The following LURAP1 variants were observed in gnomAD, a reference collection of about 807,000 sequenced individuals.
LURAP1 encodes the protein leucine rich adaptor protein 1, also known as NF-kappa-B activator C1orf190.
In LURAP1, 14 loss-of-function variants were observed where a neutral mutation model predicts 19.0. The observed-to-expected ratio is 0.74, with a 90% confidence interval of 0.49 to 1.15. The LOEUF (loss-of-function observed/expected upper bound fraction) is 1.15, where lower values mean the gene tolerates loss of function less well. Among genes scored for constraint, LURAP1 ranks in the 50% most tolerant of loss-of-function variants. The pLI, the probability that LURAP1 is intolerant of heterozygous loss-of-function variation, is 0.00. For missense variants in LURAP1, 273 were observed against 309.1 expected (o/e 0.88, Z 0.87); for synonymous variants, 129 against 131.8 (o/e 0.98, Z 0.14).
intron 1 of LURAP1, among the ~76,000 whole-genome samples, chr1:46,213,117 A>C (rs1658954788): frequency 6.6e-6 from 1 of 152,082 alleles, no homozygotes; most frequent in Non-Finnish European, 1.5e-5. Flanking sequence ...ATGCACATAT[A>C]TATAAACATT....
intron 1 of LURAP1, among the ~76,000 whole-genome samples, chr1:46,219,330 G>A (rs1219784205): frequency 6.6e-6 from 1 of 151,646 alleles, no homozygotes; most frequent in Admixed American, 6.6e-5. Context: ...TAAATATGAA[G>A]TTCAAAGCTT....
At chr1:46,219,553 T>C (rs1659167605) in intron 1 of LURAP1, 146 bp from the exon 2 acceptor site, 1 of 805,956 alleles carries the variant, frequency 1.2e-6, no homozygotes, top group African/African-American at 1.7e-5. Flanking sequence ...GTCTGTCTGC[T>C]TCTGAAGCCT....
chr1:46,211,252 C>T (rs1658885087), intron 1 of LURAP1, among the ~76,000 whole-genome samples: 1 of 152,114 alleles, frequency 6.6e-6, no homozygotes, highest in Middle Eastern at 3.2e-3. Context: ...GAGTCAGGAC[C>T]TTCTCTGGAA....
At chr1:46,215,925 AT>A (rs1659050916) in intron 1 of LURAP1, among the ~76,000 whole-genome samples, 1 of 152,112 alleles carries the variant, frequency 6.6e-6, no homozygotes, top group Non-Finnish European at 1.5e-5. Flanking sequence ...CAATGGAACA[AT>A]GCCTTAACCC....
rs1285213599 is a variant in LURAP1, at chr1:46,219,864, T to C, written c.364T>C (p.Ser122Pro). Residue 122 changes from serine (S) to proline (P), a missense_variant, in exon 2 of 2, where the codon TCA (serine) becomes CCA (proline). Transcript: ENST00000371980. ...CCTGACAGGCGGGAGCCCAGGCCGC[T>C]CAAGGCGAGGCAGCTGGGACAGCCT... ...YSLTGGSPGR[S>P]RRGSWDSLPD... 6.2e-7 allele frequency: 1 copy of C among 1,613,940 alleles called. No homozygotes were observed.
At chr1:46,210,821 T>C (rs1204214688) in intron 1 of LURAP1, among the ~76,000 whole-genome samples, 4 of 152,072 alleles carry the variant, frequency 2.6e-5, no homozygotes, top group Admixed American at 6.6e-5. Flanking sequence ...GTTGCCCAGG[T>C]TGGAGTACAG....
At chr1:46,216,040 T>C (rs928300078) in intron 1 of LURAP1, among the ~76,000 whole-genome samples, 1 of 141,004 alleles carries the variant, frequency 7.1e-6, no homozygotes, top group East Asian at 2.0e-4. Context: ...ACTTTTATTT[T>C]ATCTTTTTTT....
chr1:46,214,938 T>C (rs1659019339), intron 1 of LURAP1, among the ~76,000 whole-genome samples: 1 of 135,032 alleles, frequency 7.4e-6, no homozygotes, highest in African/African-American at 2.8e-5. Context: ...AGTATAGAAA[T>C]AGATGTGACT....
At chr1:46,208,858 TAAATA>T (rs1658805534) in intron 1 of LURAP1, among the ~76,000 whole-genome samples, 1 of 151,354 alleles carries the variant, frequency 6.6e-6, no homozygotes. Context: ...GAAAAATAAA[TAAATA>T]AAATAAATAA....
intron 1 of LURAP1, among the ~76,000 whole-genome samples, chr1:46,218,835 C>T (rs554593825): frequency 1.5e-4 from 23 of 152,146 alleles, no homozygotes; most frequent in Non-Finnish European, 2.8e-4. Context: ...CAACCCTTTC[C>T]CCTCTCGGTG....
At chr1:46,206,349 C>T (rs914475199) in intron 1 of LURAP1, among the ~76,000 whole-genome samples, 3 of 152,116 alleles carry the variant, frequency 2.0e-5, no homozygotes, top group Non-Finnish European at 2.9e-5. Flanking sequence ...CTGATAGTCC[C>T]CGCTCTGGGA....
At chr1:46,211,762 AAT>A (rs139100494) in intron 1 of LURAP1, among the ~76,000 whole-genome samples, 3 of 151,622 alleles carry the variant, frequency 2.0e-5, no homozygotes, top group Non-Finnish European at 4.4e-5. Flanking sequence ...TCAATGTACA[AAT>A]ATATATATAT....
chr1:46,206,752 A>G (rs1391494796), intron 1 of LURAP1, among the ~76,000 whole-genome samples: 1 of 152,208 alleles, frequency 6.6e-6, no homozygotes, highest in Non-Finnish European at 1.5e-5. Context: ...CCTGGGAACC[A>G]TCAAAGGGGT....
chr1:46,212,204 G>GTA (rs1331876829), intron 1 of LURAP1, among the ~76,000 whole-genome samples: 5 of 151,860 alleles, frequency 3.3e-5, no homozygotes, highest in African/African-American at 1.2e-4. Flanking sequence ...GATCTGACCT[G>GTA]TATATGTAAA....
chr1:46,208,440 G>A (rs1193835126), intron 1 of LURAP1, among the ~76,000 whole-genome samples: 2 of 152,132 alleles, frequency 1.3e-5, no homozygotes, highest in Non-Finnish European at 2.9e-5. Flanking sequence ...TTCCATAACT[G>A]AATGGATTAA....
chr1:46,211,619 AACCTTT>A (rs1480244941), intron 1 of LURAP1, among the ~76,000 whole-genome samples: 4 of 152,220 alleles, frequency 2.6e-5, no homozygotes, highest in African/African-American at 9.6e-5. Context: ...TCTCATGACA[AACCTTT>A]AGATAGTACC....
In LURAP1 at chr1:46,220,986, G is replaced by A. The variant is rs143235004; in HGVS notation, c.*766G>A. 948 of 152,354 alleles carry A rather than the reference G, an allele frequency of 6.2e-3. 13 individuals carry two copies. Among genetic ancestry groups the A allele is most frequent in the Non-Finnish European group, 0.01 (711 of 68,086 alleles). 9.4% of individuals were successfully genotyped at this position (152,354 alleles called of 1,614,324 possible). On this transcript the variant is annotated 3_prime_UTR_variant, in exon 2 of 2. Coordinates refer to ENST00000371980, the MANE Select transcript of LURAP1 (RefSeq NM_001013615.3). ...TCTATGGATTGGCCCTCCCAGAAGC[G>A]TTTGGGCTGGTAGACCCACCCCTTC...
At chr1:46,213,244 T>G (rs1206677898) in intron 1 of LURAP1, among the ~76,000 whole-genome samples, 7 of 151,460 alleles carry the variant, frequency 4.6e-5, no homozygotes, top group Non-Finnish European at 7.4e-5. Flanking sequence ...TTCATAAGAT[T>G]ATAACACAGC....
At chr1:46,203,690 T>G (rs1658622083) in intron 1 of LURAP1, 66 bp downstream of exon 1, 6 of 1,485,738 alleles carry the variant, frequency 4.0e-6, no homozygotes, top group South Asian at 1.2e-5. Context: ...GACGAACTCA[T>G]GCTCCCAGAG....
Sources: gnomAD v4.1 joint callset for allele counts (sites outside exome capture counted in the v4.1 genomes callset) on GRCh38, gnomAD v4.1.1 for gene constraint, MANE v1.5 for transcripts, NCBI Gene and HGNC (gene_info 2026-07-23, HGNC 2026-07-21) for gene names.